CDH2: variants seen among roughly 807,000 people sequenced by gnomAD.
CDH2 encodes cadherin 2.
Under a neutral mutation model 92.0 loss-of-function variants are expected in CDH2, and 17 were observed. The observed-to-expected ratio is 0.18, with a 90% CI of 0.13 to 0.28. The LOEUF (loss-of-function observed/expected upper bound fraction) is 0.28. CDH2 is among the 10% of genes least tolerant of loss of function. The pLI, the probability that CDH2 is intolerant of heterozygous loss-of-function variation, is 1.00. For missense variants in CDH2, 862 were observed against 1,133.1 expected (o/e 0.76, Z 3.44); for synonymous variants, 419 against 415.9 (o/e 1.01, Z -0.09).
chr18:28,028,417 T>A (rs2013613597), intron 2 of CDH2, among the ~76,000 whole-genome samples: 1 of 152,068 alleles, frequency 6.6e-6, no homozygotes, highest in African/African-American at 2.4e-5. Context: ...TAACTAAAAT[T>A]AAAGTCCACT....
At chr18:28,152,958 T>C (rs903749928) in intron 1 of CDH2, among the ~76,000 whole-genome samples, 2 of 152,180 alleles carry the variant, frequency 1.3e-5, no homozygotes, top group African/African-American at 4.8e-5. Context: ...AAATGATGCC[T>C]TCCCTCATGT....
At chr18:28,034,431 TA>T (rs1312712957) in intron 2 of CDH2, among the ~76,000 whole-genome samples, 2 of 145,528 alleles carry the variant, frequency 1.4e-5, no homozygotes, top group Admixed American at 7.2e-5. Flanking sequence ...GTTTTAAATA[TA>T]TTTTTTTTCT....
At chr18:28,094,132 T>G (rs2015084161) in intron 2 of CDH2, among the ~76,000 whole-genome samples, 1 of 152,170 alleles carries the variant, frequency 6.6e-6, no homozygotes, top group Non-Finnish European at 1.5e-5. Context: ...GAAACCCCAG[T>G]TAGCCTAGTG....
intron 2 of CDH2, among the ~76,000 whole-genome samples, chr18:28,084,234 A>C (rs1372261760): frequency 6.6e-6 from 1 of 152,190 alleles, no homozygotes; most frequent in Non-Finnish European, 1.5e-5. Context: ...ACTCGCAAGC[A>C]ATACTGAGGA....
At chr18:28,080,327 G>T (rs1040583098) in intron 2 of CDH2, among the ~76,000 whole-genome samples, 6 of 152,038 alleles carry the variant, frequency 3.9e-5, no homozygotes, top group Non-Finnish European at 8.8e-5. Context: ...ATTTAATAAG[G>T]CAATTTGAAA....
rs139674767 is a variant in CDH2, at chr18:28,152,834, T to C, written c.61-5050A>G. Among the ~76,000 whole-genome samples the C allele has an allele frequency of 9.9e-5, 15 of 152,112 alleles. No individual in the cohort carries two copies. In the East Asian group the frequency reaches 2.9e-3, roughly 30 times the overall value. On this transcript the variant is annotated intron_variant, in intron 1 of 15. Transcript: ENST00000269141. The stretch of plus-strand genomic sequence containing the variant: ...TGGGAGACAAGCTAGGACACAGACC[T>C]GAGTCAGGGCAGGGGCTGCAAGGAA...
chr18:28,024,135 A>T (rs939697796), intron 2 of CDH2, among the ~76,000 whole-genome samples: 4 of 152,190 alleles, frequency 2.6e-5, no homozygotes, highest in African/African-American at 7.2e-5. Flanking sequence ...GTAGACTGCC[A>T]CAAAAATGTG....
Position 28,177,051 on chromosome 18 carries a change from C to CGGAGGA in CDH2, c.-35_-30dup, listed in dbSNP as rs771349247. On this transcript the variant is annotated 5_prime_UTR_variant, in exon 1 of 16. Coordinates refer to ENST00000269141, the MANE Select transcript of CDH2 (RefSeq NM_001792.5). ...GGCGGAGAGGGGCCGAGCGAAGAGC[C>CGGAGGA]GGAGGAGGCGGCGGCGGCGGCGGCG... 2.4e-5 allele frequency: 36 copies of CGGAGGA among 1,471,596 alleles called. No homozygotes were observed. In the African/African-American group the frequency reaches 4.9e-4, roughly 20 times the overall value. The allele number at this position is 1,471,596 out of a possible 1,614,324, so 91.2% of individuals were successfully genotyped here. A position where few individuals can be genotyped will look rare whatever the true frequency, so the allele number is the denominator to read the frequency against.
intron 2 of CDH2, among the ~76,000 whole-genome samples, chr18:28,110,870 T>C (rs564251647): frequency 7.2e-5 from 11 of 152,008 alleles, no homozygotes; most frequent in Non-Finnish European, 1.3e-4. Context: ...CAAACCACTA[T>C]TCTCTAAATT....
At chr18:28,104,870 G>C (rs2015295847) in intron 2 of CDH2, among the ~76,000 whole-genome samples, 3 of 151,708 alleles carry the variant, frequency 2.0e-5, no homozygotes, top group Non-Finnish European at 4.4e-5. Context: ...GATTATCTTG[G>C]ATGATAATTT....
chr18:27,975,318 C>T (rs1006948175), intron 14 of CDH2, among the ~76,000 whole-genome samples: 9 of 152,212 alleles, frequency 5.9e-5, no homozygotes, highest in African/African-American at 2.2e-4. Context: ...ACTGTCACAA[C>T]CTCCTTTGCC....
At chr18:27,941,054 GAGA>G (rs1434593223) in intron 6 of CDH2, among the ~76,000 whole-genome samples, 1 of 41,652 alleles carries the variant, frequency 2.4e-5, no homozygotes, top group Non-Finnish European at 4.5e-5. Context: ...TTTTTTTTTT[GAGA>G]AGGAGTCTCG....
chr18:28,122,273 T>C (rs933571297), intron 2 of CDH2, among the ~76,000 whole-genome samples: 1 of 152,118 alleles, frequency 6.6e-6, no homozygotes, highest in African/African-American at 2.4e-5. Context: ...ACTAATATTG[T>C]CTGTATTTGT....
chr18:27,942,344 C>G (rs1392389063), intron 6 of CDH2, among the ~76,000 whole-genome samples: 1 of 152,108 alleles, frequency 6.6e-6, no homozygotes, highest in Non-Finnish European at 1.5e-5. Context: ...TAAACATGAA[C>G]ATGTCTTCCT....
intron 2 of CDH2, chr18:28,036,695 A>T: frequency 3.1e-6 from 2 of 637,134 alleles, no homozygotes; most frequent in Non-Finnish European, 5.5e-6. Flanking sequence ...GACCGTCAGC[A>T]AAACAGAGAT....
chr18:27,937,294 T>C (rs1909041327), intron 6 of CDH2, among the ~76,000 whole-genome samples: 1 of 152,192 alleles, frequency 6.6e-6, no homozygotes, highest in Non-Finnish European at 1.5e-5. Context: ...CGGTTCAAAA[T>C]CTGGATCGTA....
intron 15 of CDH2, 104 bp from the exon 16 acceptor site, chr18:27,952,463 T>C (rs1909508847): frequency 4.7e-6 from 4 of 857,496 alleles, no homozygotes; most frequent in Non-Finnish European, 7.5e-6. Flanking sequence ...AAACACTTGT[T>C]TGTAAATTTC....
At chr18:28,110,471 C>A (rs527516457) in intron 2 of CDH2, among the ~76,000 whole-genome samples, 5 of 152,126 alleles carry the variant, frequency 3.3e-5, no homozygotes, top group Non-Finnish European at 5.9e-5. Flanking sequence ...CAGTTGACTG[C>A]GGCCAAATGC....
Position 28,037,773 on chromosome 18 carries a change from C to T in CDH2, c.173-23864G>A, listed in dbSNP as rs528104781. On this transcript the variant is annotated intron_variant, in intron 2 of 15. Coordinates refer to ENST00000269141, the MANE Select transcript of CDH2 (RefSeq NM_001792.5). ...GGGGGAAGTAATGTTTTGGGACAAA[C>T]GACTCAACTTAAATATACAGGCTGA... Among the ~76,000 whole-genome samples the T allele has an allele frequency of 3.9e-5, 6 of 152,194 alleles. No homozygotes were observed. The South Asian group carries it at 8.3e-4, about 21-fold the overall frequency.
Sources: gnomAD v4.1 joint callset for allele counts (sites outside exome capture counted in the v4.1 genomes callset) on GRCh38, gnomAD v4.1.1 for gene constraint, MANE v1.5 for transcripts, NCBI Gene and HGNC (gene_info 2026-07-23, HGNC 2026-07-21) for gene names.